Variants in CSTPP1 observed in about 807,000 individuals in gnomAD.
The protein encoded by CSTPP1 is centriolar satellite-associated tubulin polyglutamylase complex regulator 1, also known as UPF0705 protein C11orf49.
chr11:47,130,248 T>C, the CSTPP1 span, among the ~76,000 whole-genome samples: 1 of 148,894 alleles, frequency 6.7e-6, no homozygotes, highest in African/African-American at 2.5e-5. Flanking sequence ...AGAGCAAGAC[T>C]CTGTCTCAAA....
At chr11:47,042,592 G>A in the CSTPP1 span, among the ~76,000 whole-genome samples, 2 of 151,796 alleles carry the variant, frequency 1.3e-5, no homozygotes, top group African/African-American at 4.8e-5. Context: ...TGGTAAATTT[G>A]AAATTACAAT....
chr11:47,062,032 C>G, the CSTPP1 span, among the ~76,000 whole-genome samples: 1 of 152,158 alleles, frequency 6.6e-6, no homozygotes, highest in East Asian at 1.9e-4. Context: ...TACATAATAC[C>G]TGTAGGTTTT....
chr11:47,059,013 T>TA, the CSTPP1 span, among the ~76,000 whole-genome samples: 2 of 152,114 alleles, frequency 1.3e-5, no homozygotes, highest in South Asian at 4.1e-4. Context: ...TATGCAGCCA[T>TA]AAAAAGGAAC....
the CSTPP1 span, among the ~76,000 whole-genome samples, chr11:47,119,247 G>C: frequency 1.3e-5 from 2 of 152,262 alleles, no homozygotes; most frequent in Non-Finnish European, 2.9e-5. Flanking sequence ...TTCTGTGGGC[G>C]TGGGACCTGC....
chr11:47,115,838 G>C, the CSTPP1 span, among the ~76,000 whole-genome samples: 1 of 151,088 alleles, frequency 6.6e-6, no homozygotes, highest in Non-Finnish European at 1.5e-5. Context: ...TCTGATCTTA[G>C]TTATTTCTTG....
At chr11:47,162,382 G>C in the CSTPP1 span, 1 of 386,702 alleles carries the variant, frequency 2.6e-6, no homozygotes. Flanking sequence ...ACAACGAGCA[G>C]AGGGGCCTAG....
At chr11:47,151,009 CTT>C in the CSTPP1 span, among the ~76,000 whole-genome samples, 1 of 150,830 alleles carries the variant, frequency 6.6e-6, no homozygotes, top group Non-Finnish European at 1.5e-5. Flanking sequence ...GCCTCAGCCT[CTT>C]GAGTAGCTGG....
the CSTPP1 span, among the ~76,000 whole-genome samples, chr11:47,019,601 G>A: frequency 6.6e-6 from 1 of 152,154 alleles, no homozygotes; most frequent in Admixed American, 6.5e-5. Flanking sequence ...GGTCGGTGGA[G>A]GAGTCAGAAC....
chr11:47,122,084 AAAAAAAAATATATAT>A, the CSTPP1 span, among the ~76,000 whole-genome samples: 3 of 105,136 alleles, frequency 2.9e-5, no homozygotes, highest in Non-Finnish European at 5.9e-5. Flanking sequence ...AAAAAAAAAA[AAAAAAAAATATATAT>A]ATATATATAT....
chr11:47,019,139 C>T, the CSTPP1 span, among the ~76,000 whole-genome samples: 1 of 152,082 alleles, frequency 6.6e-6, no homozygotes, highest in African/African-American at 2.4e-5. Flanking sequence ...TCCCTAGTAG[C>T]TGGGATTACA....
chr11:46,984,103 C>G, the CSTPP1 span, among the ~76,000 whole-genome samples: 1 of 152,192 alleles, frequency 6.6e-6, no homozygotes, highest in South Asian at 2.1e-4. Flanking sequence ...TGGACCATAT[C>G]TCTCAGGTGA....
the CSTPP1 span, among the ~76,000 whole-genome samples, chr11:47,112,742 G>C: frequency 3.9e-5 from 6 of 152,144 alleles, no homozygotes; most frequent in African/African-American, 1.4e-4. Flanking sequence ...AAAGTAACAT[G>C]TGACACATAA....
the CSTPP1 span, among the ~76,000 whole-genome samples, chr11:47,074,877 C>G: frequency 1.3e-5 from 2 of 152,134 alleles, no homozygotes; most frequent in South Asian, 4.1e-4. Context: ...TTCGTTTATT[C>G]AACAGTATTT....
At chr11:47,161,430 T>A in the CSTPP1 span, 1 of 1,611,622 alleles carries the variant, frequency 6.2e-7, no homozygotes, top group African/African-American at 1.3e-5. Flanking sequence ...ACAGGAGGCC[T>A]CTCGCTGCCC....
At chr11:47,019,395 C>T in the CSTPP1 span, among the ~76,000 whole-genome samples, 4 of 152,246 alleles carry the variant, frequency 2.6e-5, no homozygotes, top group South Asian at 2.1e-4. Context: ...GCCTAGCTTT[C>T]GGCCTATCTT....
chr11:47,085,799 A>G, the CSTPP1 span, among the ~76,000 whole-genome samples: 1 of 151,960 alleles, frequency 6.6e-6, no homozygotes, highest in Non-Finnish European at 1.5e-5. Context: ...CTAAGGCTGG[A>G]AAATCACTTG....
the CSTPP1 span, chr11:47,138,075 G>A: frequency 1.0e-5 from 3 of 291,282 alleles, no homozygotes; most frequent in Middle Eastern, 1.0e-3. Context: ...GTGTTTTCAC[G>A]CTACTGTAAA....
chr11:47,145,274 C>T, the CSTPP1 span, among the ~76,000 whole-genome samples: 3 of 152,062 alleles, frequency 2.0e-5, no homozygotes, highest in African/African-American at 4.8e-5. Context: ...GCGTGGGCCA[C>T]CGCACCCGGC....
chr11:46,990,911 T>A, the CSTPP1 span, among the ~76,000 whole-genome samples: 1 of 152,214 alleles, frequency 6.6e-6, no homozygotes, highest in Admixed American at 6.5e-5. Context: ...CTTGTTTTTG[T>A]CAGCCTTGTC....
Sources: allele counts gnomAD v4.1 joint callset (sites outside exome capture counted in the v4.1 genomes callset), GRCh38; gene constraint gnomAD v4.1.1; transcripts MANE v1.5; gene names NCBI Gene and HGNC (gene_info 2026-07-23, HGNC 2026-07-21).